Variants in FAF1 observed in about 807,000 individuals in gnomAD.
FAF1 encodes the protein FAS-associated factor 1.
FAF1 carries 25 observed loss-of-function variants against 92.5 expected under a neutral mutation model. That is an observed-to-expected ratio of 0.27 (90% CI 0.20 to 0.38). FAF1 has a LOEUF of 0.38. Ranked by LOEUF, FAF1 falls within the 10% of genes least tolerant of loss-of-function variation. The pLI, the probability that FAF1 is intolerant of heterozygous loss-of-function variation, is 1.00. For missense variants in FAF1, 636 were observed against 793.3 expected (o/e 0.80, Z 2.38); for synonymous variants, 234 against 273.2 (o/e 0.86, Z 1.42).
At position 50,488,468 on chromosome 1, in the gene FAF1, C is replaced by T. The variant is rs541166165; in HGVS notation, c.1653+2120G>A. 3.2e-4 allele frequency among the ~76,000 whole-genome samples: 49 copies of T among 152,252 alleles called. No homozygotes were observed. In the South Asian group the frequency reaches 9.7e-3, roughly 30 times the overall value. On this transcript the variant is annotated intron_variant, in intron 17 of 18. Transcript: ENST00000396153. ...CAGTATGGTTGACGATACACTAATA[C>T]ACACACAAACACACACAGAGCTAGA...
rs555133280 is a variant in FAF1 at position 50,937,724 on chromosome 1, T to C, written c.45+22043A>G. 7.9e-5 allele frequency among the ~76,000 whole-genome samples: 12 copies of C among 152,334 alleles called. No individual in the cohort carries two copies. In the South Asian group the frequency reaches 2.5e-3, roughly 32 times the overall value. Reference sequence around the variant, plus strand: ...CAAGTTCTATATTCCTTTATTGTTATTCTGCACTACAATTATTTACAAGGA... The same window carrying C: ...CAAGTTCTATATTCCTTTATTGTTACTCTGCACTACAATTATTTACAAGGA... On this transcript the variant is annotated intron_variant, in intron 1 of 18. Coordinates refer to ENST00000396153, the MANE Select transcript of FAF1 (RefSeq NM_007051.3).
chr1:50,653,163 CAAGA>C (rs1302546226), intron 8 of FAF1, among the ~76,000 whole-genome samples: 2 of 150,372 alleles, frequency 1.3e-5, no homozygotes, highest in African/African-American at 4.9e-5. Flanking sequence ...CTCACTCAAG[CAAGA>C]AAAACAACAA....
chr1:50,832,734 C>A (rs1644165443), intron 2 of FAF1, among the ~76,000 whole-genome samples: 1 of 152,102 alleles, frequency 6.6e-6, no homozygotes, highest in Non-Finnish European at 1.5e-5. Context: ...GACTGATAAT[C>A]CTCTTTCTGT....
At chr1:50,667,930 C>T (rs906413342) in intron 7 of FAF1, among the ~76,000 whole-genome samples, 3 of 152,184 alleles carry the variant, frequency 2.0e-5, no homozygotes, top group Non-Finnish European at 4.4e-5. Flanking sequence ...GATGCTCAGA[C>T]GTGATGTGAT....
At chr1:50,760,275 C>T (rs1660270597) in intron 4 of FAF1, among the ~76,000 whole-genome samples, 1 of 152,106 alleles carries the variant, frequency 6.6e-6, no homozygotes, top group Non-Finnish European at 1.5e-5. Context: ...TTAGACAGAT[C>T]AACGAGACAG....
intron 7 of FAF1, among the ~76,000 whole-genome samples, chr1:50,692,914 A>C (rs1657002944): frequency 6.6e-6 from 1 of 152,186 alleles, no homozygotes; most frequent in Admixed American, 6.5e-5. Flanking sequence ...CAATTAGATT[A>C]TTTGTCTTTT....
intron 13 of FAF1, among the ~76,000 whole-genome samples, chr1:50,564,689 T>C (rs942654406): frequency 1.3e-5 from 2 of 152,114 alleles, no homozygotes; most frequent in Non-Finnish European, 2.9e-5. Flanking sequence ...AGAAAGATAA[T>C]ACAGTAGGAA....
intron 8 of FAF1, among the ~76,000 whole-genome samples, chr1:50,637,072 A>C (rs1654050753): frequency 2.0e-5 from 3 of 152,016 alleles, no homozygotes; most frequent in Admixed American, 2.0e-4. Flanking sequence ...CAAATATCAC[A>C]TTGTATTGAA....
chr1:50,543,230 C>T (rs545668806), intron 13 of FAF1, among the ~76,000 whole-genome samples: 1 of 152,252 alleles, frequency 6.6e-6, no homozygotes, highest in South Asian at 2.1e-4. Context: ...TTACCTAAGT[C>T]ACTGGCTTTC....
intron 8 of FAF1, among the ~76,000 whole-genome samples, chr1:50,632,678 T>C (rs1653845621): frequency 6.6e-6 from 1 of 152,182 alleles, no homozygotes; most frequent in African/African-American, 2.4e-5. Flanking sequence ...TTTTTTGTTT[T>C]ATTTTGTTTT....
At chr1:50,640,325 C>T (rs1654264540) in intron 8 of FAF1, among the ~76,000 whole-genome samples, 1 of 150,644 alleles carries the variant, frequency 6.6e-6, no homozygotes, top group Non-Finnish European at 1.5e-5. Context: ...CAGAGTCTCG[C>T]TCTGTCGCCC....
At chr1:50,729,034 C>CTATCTATCTATA (rs774816134) in intron 6 of FAF1, among the ~76,000 whole-genome samples, 41 of 88,062 alleles carry the variant, frequency 4.7e-4, no homozygotes, top group African/African-American at 1.9e-3. Context: ...ATCTATCTAT[C>CTATCTATCTATA]TATATATATA....
chr1:50,789,177 T>C lies in FAF1; in HGVS notation c.162-972A>G, dbSNP rs1419872847. Among the ~76,000 whole-genome samples the C allele has an allele frequency of 3.9e-5, 6 of 152,190 alleles. No homozygotes were observed. The South Asian group carries it at 1.2e-3, about 31-fold the overall frequency. ...TAGCTCTACACTAAGTATTATCCCT[T>C]TTATATCCAGTATCTTTGACATCTC... On this transcript the variant is annotated intron_variant, in intron 3 of 18. Transcript: ENST00000396153.
intron 8 of FAF1, among the ~76,000 whole-genome samples, chr1:50,624,303 AC>A (rs1403882075): frequency 1.3e-5 from 2 of 152,056 alleles, no homozygotes; most frequent in Non-Finnish European, 2.9e-5. Flanking sequence ...GCCAGCCACC[AC>A]GCCCAGCTAA....
At chr1:50,484,977 G>GA (rs1646746855) in intron 17 of FAF1, among the ~76,000 whole-genome samples, 1 of 143,088 alleles carries the variant, frequency 7.0e-6, no homozygotes, top group Non-Finnish European at 1.5e-5. Context: ...AGGGAGGAGG[G>GA]ATAGCATTAG....
chr1:50,867,602 G>A (rs1270862143), intron 1 of FAF1, among the ~76,000 whole-genome samples: 1 of 152,102 alleles, frequency 6.6e-6, no homozygotes, highest in African/African-American at 2.4e-5. Context: ...CTAATGATCA[G>A]GCAAATGCAT....
chr1:50,815,875 A>C (rs1344769837), intron 2 of FAF1, among the ~76,000 whole-genome samples: 1 of 151,896 alleles, frequency 6.6e-6, no homozygotes, highest in Non-Finnish European at 1.5e-5. Context: ...AATACCAAAG[A>C]AGTTAGCCAG....
At chr1:50,453,820 C>T (rs530043502) in intron 18 of FAF1, among the ~76,000 whole-genome samples, 1 of 152,280 alleles carries the variant, frequency 6.6e-6, no homozygotes, top group South Asian at 2.1e-4. Flanking sequence ...TTTCTTCATG[C>T]GTATTCCCTA....
intron 18 of FAF1, among the ~76,000 whole-genome samples, chr1:50,471,784 A>G (rs747769314): frequency 2.0e-5 from 3 of 152,134 alleles, no homozygotes; most frequent in Non-Finnish European, 4.4e-5. Flanking sequence ...TTATAAATTG[A>G]AAGATCTCAC....
Sources: allele counts gnomAD v4.1 joint callset (sites outside exome capture counted in the v4.1 genomes callset), GRCh38; gene constraint gnomAD v4.1.1; transcripts MANE v1.5; gene names NCBI Gene and HGNC (gene_info 2026-07-23, HGNC 2026-07-21).